The following UBE2QL1 variants were observed in gnomAD, a reference collection of about 807,000 sequenced individuals.
UBE2QL1 encodes ubiquitin-conjugating enzyme E2Q-like protein 1.
Under a neutral mutation model 12.6 loss-of-function variants are expected in UBE2QL1, and 5 were observed. That is an observed-to-expected ratio of 0.40 (90% CI 0.21 to 0.83). The LOEUF (loss-of-function observed/expected upper bound fraction) is 0.83. Among genes scored for constraint, UBE2QL1 ranks in the 40% least tolerant of loss-of-function variants. UBE2QL1 has a pLI of 0.37. For synonymous variants in UBE2QL1, 96 were observed against 94.5 expected, an observed-to-expected ratio of 1.02 and a Z score of -0.10; for missense variants, 99 against 222.6, an observed-to-expected ratio of 0.44 and a Z score of 3.53.
chr5:6,491,474 A>G lies in UBE2QL1; in HGVS notation c.*125A>G. The G allele has an allele frequency of 7.7e-7, 1 of 1,291,434 alleles. No homozygotes were observed. The highest frequency in any genetic ancestry group is 1.0e-6 in the Non-Finnish European group (1 of 973,848). 80.0% of individuals were successfully genotyped at this position (1,291,434 alleles called of 1,614,324 possible). ...AGCCAGAACTGCATCCTGAATGCCC[A>G]GGAGACGTTTAAGTTATTTATGAAA... On this transcript the variant is annotated 3_prime_UTR_variant, in exon 2 of 2. Coordinates refer to ENST00000399816, the MANE Select transcript of UBE2QL1 (RefSeq NM_001145161.3).
chr5:6,487,546 A>G (rs1734488519), intron 1 of UBE2QL1, among the ~76,000 whole-genome samples: 1 of 152,250 alleles, frequency 6.6e-6, no homozygotes, highest in Admixed American at 6.5e-5. Flanking sequence ...GCCTTTTAAC[A>G]TTAAGAACAA....
In UBE2QL1 at chr5:6,477,425, C is replaced by T. The variant is rs550270720; in HGVS notation, c.355-13793C>T. Among the ~76,000 whole-genome samples, 276 of 152,112 alleles carry T rather than the reference C, an allele frequency of 1.8e-3. 5 individuals are homozygous for T. The highest frequency in any genetic ancestry group is 4.3e-4 in the Non-Finnish European group (29 of 68,000). ...AGGTCAGCCTGCTGACAGGTGCGCC[C>T]GGAGATCAGCCTGCTGAGGATAGGT... On this transcript the variant is annotated intron_variant, in intron 1 of 1. Transcript: ENST00000399816.
chr5:6,475,075 C>G (rs998914074), intron 1 of UBE2QL1, among the ~76,000 whole-genome samples: 1 of 152,154 alleles, frequency 6.6e-6, no homozygotes, highest in African/African-American at 2.4e-5. Flanking sequence ...TCAAGTGACG[C>G]TTGTAAAAAT....
intron 1 of UBE2QL1, among the ~76,000 whole-genome samples, chr5:6,486,299 TACAC>T (rs755900671): frequency 2.4e-4 from 36 of 151,178 alleles, no homozygotes; most frequent in Non-Finnish European, 4.7e-4. Context: ...CCCCACCAAA[TACAC>T]ACACAAGCAC....
chr5:6,461,303 G>A (rs1739652368), intron 1 of UBE2QL1, among the ~76,000 whole-genome samples: 1 of 152,078 alleles, frequency 6.6e-6, no homozygotes, highest in Non-Finnish European at 1.5e-5. Context: ...TCTGCATTTG[G>A]GAAGAGACTG....
At chr5:6,488,091 G>C (rs542510483) in intron 1 of UBE2QL1, among the ~76,000 whole-genome samples, 19 of 152,324 alleles carry the variant, frequency 1.2e-4, no homozygotes, top group Admixed American at 5.2e-4. Flanking sequence ...GATGCGATGA[G>C]AGCTCCTTAT....
chr5:6,484,642 G>A (rs979430419), intron 1 of UBE2QL1, among the ~76,000 whole-genome samples: 2 of 152,102 alleles, frequency 1.3e-5, no homozygotes, highest in African/African-American at 2.4e-5. Flanking sequence ...ACTTGCGGAC[G>A]GTGTGGGGAC....
intron 1 of UBE2QL1, among the ~76,000 whole-genome samples, chr5:6,456,433 C>T (rs550610842): frequency 1.3e-5 from 2 of 152,256 alleles, no homozygotes; most frequent in Non-Finnish European, 2.9e-5. Flanking sequence ...TTTTGGAATA[C>T]GGTTTCATTG....
At chr5:6,469,672 T>C (rs1369129197) in intron 1 of UBE2QL1, among the ~76,000 whole-genome samples, 1 of 151,772 alleles carries the variant, frequency 6.6e-6, no homozygotes, top group Non-Finnish European at 1.5e-5. Context: ...CAGTATACAC[T>C]TATATGTTTA....
chr5:6,451,415 C>T (rs1475364144), intron 1 of UBE2QL1, among the ~76,000 whole-genome samples: 1 of 152,186 alleles, frequency 6.6e-6, no homozygotes, highest in Non-Finnish European at 1.5e-5. Context: ...TTTCTTTTCT[C>T]TGTATTTAAA....
intron 1 of UBE2QL1, among the ~76,000 whole-genome samples, chr5:6,489,437 GA>G (rs962846890): frequency 3.3e-5 from 5 of 149,862 alleles, no homozygotes; most frequent in Admixed American, 6.6e-5. Flanking sequence ...AAAAAAAAAA[GA>G]AAAAGAAAAA....
chr5:6,474,649 TCTAA>T (rs1734181210), intron 1 of UBE2QL1, among the ~76,000 whole-genome samples: 2 of 152,342 alleles, frequency 1.3e-5, no homozygotes, highest in South Asian at 4.1e-4. Flanking sequence ...TCTTTGGAAT[TCTAA>T]CTGTGGCATG....
At chr5:6,468,465 C>G (rs1384194496) in intron 1 of UBE2QL1, among the ~76,000 whole-genome samples, 2 of 152,194 alleles carry the variant, frequency 1.3e-5, no homozygotes, top group African/African-American at 4.8e-5. Flanking sequence ...GGCGGGACAA[C>G]AGACACGGGC....
At chr5:6,475,801 G>T (rs1734216014) in intron 1 of UBE2QL1, among the ~76,000 whole-genome samples, 1 of 151,986 alleles carries the variant, frequency 6.6e-6, no homozygotes, top group African/African-American at 2.4e-5. Flanking sequence ...AAGGGAACTG[G>T]CCCTCCAGCC....
intron 1 of UBE2QL1, among the ~76,000 whole-genome samples, chr5:6,467,223 A>G (rs1739817205): frequency 6.7e-6 from 1 of 150,132 alleles, no homozygotes; most frequent in Non-Finnish European, 1.5e-5. Context: ...CCTTCCATTC[A>G]GCTGTGACTT....
intron 1 of UBE2QL1, among the ~76,000 whole-genome samples, chr5:6,475,277 G>A (rs1734207831): frequency 6.6e-6 from 1 of 152,144 alleles, no homozygotes; most frequent in Admixed American, 6.5e-5. Flanking sequence ...ATCAAAAGCA[G>A]TCCTTTAGTT....
intron 1 of UBE2QL1, among the ~76,000 whole-genome samples, chr5:6,466,783 T>C (rs1487202751): frequency 1.3e-5 from 2 of 152,262 alleles, no homozygotes; most frequent in South Asian, 4.1e-4. Flanking sequence ...ATTATCTTTC[T>C]CTAAACACTG....
At chr5:6,486,321 C>T (rs902375328) in intron 1 of UBE2QL1, among the ~76,000 whole-genome samples, 5 of 151,270 alleles carry the variant, frequency 3.3e-5, no homozygotes, top group Admixed American at 2.6e-4. Flanking sequence ...CACACACACA[C>T]ACAAGCACAC....
intron 1 of UBE2QL1, among the ~76,000 whole-genome samples, chr5:6,475,692 G>A (rs1038716794): frequency 4.6e-4 from 66 of 144,568 alleles, no homozygotes; most frequent in Non-Finnish European, 6.7e-4. Context: ...GGGGAAGTGT[G>A]AGCATGGGGG....
Sources: allele counts gnomAD v4.1 joint callset (sites outside exome capture counted in the v4.1 genomes callset), GRCh38; gene constraint gnomAD v4.1.1; transcripts MANE v1.5; gene names NCBI Gene and HGNC (gene_info 2026-07-23, HGNC 2026-07-21).